The following CDC14A variants were observed in gnomAD, a reference collection of about 807,000 sequenced individuals.
The protein encoded by CDC14A is cell division cycle 14A.
In CDC14A, 53 loss-of-function variants were observed where a neutral mutation model predicts 74.4. That is an observed-to-expected ratio of 0.71 (90% CI 0.57 to 0.89). The LOEUF (loss-of-function observed/expected upper bound fraction) is 0.89. Among genes scored for constraint, CDC14A ranks in the 40% least tolerant of loss-of-function variants. CDC14A has a pLI of 0.00. For synonymous variants in CDC14A, 247 were observed against 258.4 expected, an observed-to-expected ratio of 0.96 and a Z score of 0.43; for missense variants, 646 against 713.7, an observed-to-expected ratio of 0.91 and a Z score of 1.08.
At position 100,518,382 on chromosome 1, in the gene CDC14A, C is replaced by A. The variant is rs1214754839; in HGVS notation, c.*102C>A. ...GCAACTTCTTGCTGGAAGAATATCTCTGCCTTCTTACCTTAAATTAAAAAG... is the reference window on the plus strand; with the variant it reads ...GCAACTTCTTGCTGGAAGAATATCTATGCCTTCTTACCTTAAATTAAAAAG... On this transcript the variant is annotated 3_prime_UTR_variant, in exon 16 of 16. Transcript: ENST00000336454. 3 of 903,890 alleles carry A rather than the reference C, an allele frequency of 3.3e-6. No homozygotes were observed. The highest frequency in any genetic ancestry group is 3.7e-6 in the Non-Finnish European group (2 of 545,524). The allele number at this position is 903,890 out of a possible 1,614,324, so 56.0% of individuals were successfully genotyped here.
Position 100,420,541 on chromosome 1 carries a change from G to A in CDC14A, c.310-3681G>A, listed in dbSNP as rs181508150. Among the ~76,000 whole-genome samples the A allele has an allele frequency of 1.7e-4, 26 of 152,032 alleles. No individual in the cohort carries two copies. The East Asian group carries it at 3.1e-3, about 18-fold the overall frequency. The stretch of plus-strand genomic sequence containing the variant: ...TGATATTTGTTACATTGTTTCTCAC[G>A]GTGTAGTAAACACAAATATTTAAAA... On this transcript the variant is annotated intron_variant, in intron 4 of 15. Transcript: ENST00000336454.
intron 10 of CDC14A, among the ~76,000 whole-genome samples, chr1:100,471,812 C>T (rs552966731): frequency 6.6e-6 from 1 of 152,206 alleles, no homozygotes; most frequent in South Asian, 2.1e-4. Context: ...AACCTTGGCT[C>T]CTATCTCACA....
intron 5 of CDC14A, among the ~76,000 whole-genome samples, chr1:100,435,327 G>C (rs2101111102): frequency 6.6e-6 from 1 of 152,318 alleles, no homozygotes; most frequent in Non-Finnish European, 1.5e-5. Flanking sequence ...GATGATGCAT[G>C]CACAATGTTC....
At chr1:100,381,520 A>G (rs1656094570) in intron 3 of CDC14A, among the ~76,000 whole-genome samples, 1 of 151,932 alleles carries the variant, frequency 6.6e-6, no homozygotes, top group Admixed American at 6.6e-5. Flanking sequence ...TTTCTTCCTC[A>G]TTCTGTGCTT....
chr1:100,399,994 G>A (rs981421911), intron 4 of CDC14A, among the ~76,000 whole-genome samples: 1 of 152,134 alleles, frequency 6.6e-6, no homozygotes, highest in South Asian at 2.1e-4. Context: ...TTACTCATTA[G>A]AATGTCAGAA....
chr1:100,359,927 CT>C (rs1402067856), intron 2 of CDC14A, among the ~76,000 whole-genome samples: 1 of 148,488 alleles, frequency 6.7e-6, no homozygotes, highest in African/African-American at 2.5e-5. Context: ...TTCAGGGCTG[CT>C]TTTTTTCACC....
chr1:100,456,427 A>AAC, intron 8 of CDC14A, among the ~76,000 whole-genome samples: 1 of 127,716 alleles, frequency 7.8e-6, no homozygotes, highest in African/African-American at 4.3e-5. Context: ...TGAACAAAAT[A>AAC]TCCCCCCCCC....
intron 4 of CDC14A, among the ~76,000 whole-genome samples, chr1:100,420,063 C>CACACACACACACATAT: frequency 1.5e-4 from 9 of 61,564 alleles, no homozygotes; most frequent in African/African-American, 3.2e-4. Context: ...CACACACACA[C>CACACACACACACATAT]ATATATATAT....
intron 5 of CDC14A, among the ~76,000 whole-genome samples, chr1:100,426,662 A>C (rs112024938): frequency 6.6e-6 from 1 of 152,188 alleles, no homozygotes; most frequent in Non-Finnish European, 1.5e-5. Context: ...CTTGATCCTC[A>C]TCTGTCTAGT....
intron 2 of CDC14A, among the ~76,000 whole-genome samples, chr1:100,359,341 G>C (rs1349982793): frequency 1.3e-5 from 2 of 152,206 alleles, no homozygotes; most frequent in Non-Finnish European, 2.9e-5. Context: ...TAAGGTCACT[G>C]AGCTGGTAAG....
chr1:100,362,838 T>C (rs1652946091), intron 2 of CDC14A, among the ~76,000 whole-genome samples: 1 of 152,202 alleles, frequency 6.6e-6, no homozygotes, highest in Non-Finnish European at 1.5e-5. Context: ...CCCGGGGTTC[T>C]TCATCTCATC....
intron 4 of CDC14A, among the ~76,000 whole-genome samples, chr1:100,398,055 T>A (rs538592434): frequency 6.6e-6 from 1 of 152,348 alleles, no homozygotes; most frequent in South Asian, 2.1e-4. Flanking sequence ...TTGTTAGTTG[T>A]ATGCCCTGAG....
At position 100,376,192 on chromosome 1, in the gene CDC14A, A is replaced by G. The variant is rs192997260; in HGVS notation, c.141-1354A>G. On this transcript the variant is annotated intron_variant, in intron 2 of 15. Transcript: ENST00000336454. ...GGGGAGGGATAGCATTGGGAGCTAT[A>G]CCTAATGTAAATGCTGAGTTAATAG... 2.0e-5 allele frequency among the ~76,000 whole-genome samples: 3 copies of G among 152,274 alleles called. No individual in the cohort carries two copies. The East Asian group carries it at 5.8e-4, about 29-fold the overall frequency.
intron 2 of CDC14A, among the ~76,000 whole-genome samples, chr1:100,368,441 G>A (rs1233760452): frequency 1.3e-5 from 2 of 152,166 alleles, no homozygotes; most frequent in African/African-American, 4.8e-5. Context: ...TGGTGAAATA[G>A]GTTCATATGT....
intron 4 of CDC14A, among the ~76,000 whole-genome samples, chr1:100,405,575 C>G (rs80175205): frequency 6.6e-6 from 1 of 152,056 alleles, no homozygotes; most frequent in East Asian, 1.9e-4. Context: ...CTTCACTATG[C>G]GTTCATGTGT....
In CDC14A at chr1:100,508,251, G is replaced by C. The variant is rs903614304; in HGVS notation, c.1755+8989G>C. Among the ~76,000 whole-genome samples the C allele has an allele frequency of 7.9e-5, 12 of 151,458 alleles. No individual in the cohort carries two copies. The highest frequency in any genetic ancestry group is 2.9e-4 in the African/African-American group (12 of 41,280). The stretch of plus-strand genomic sequence containing the variant: ...TTATAATTTGGGCCCGCCTGTTTTT[G>C]TTTTATGGCTTCTTATTCTTTTTAT... On this transcript the variant is annotated intron_variant, in intron 15 of 15. Coordinates refer to ENST00000336454, the MANE Select transcript of CDC14A (RefSeq NM_003672.4). The surrounding 1 kb of genome is among the most constrained non-coding windows in gnomAD (Gnocchi z 4.4).
rs143531253 is a variant in CDC14A at position 100,449,123 on chromosome 1, C to T, written c.519+6127C>T. On this transcript the variant is annotated intron_variant, in intron 7 of 15. Transcript: ENST00000336454. Reference sequence around the variant, plus strand: ...TTGCTATCTTCACCTAAAGGGTGCTCTTTTGGGGAAAGACCATTTCTATTC... The same window carrying T: ...TTGCTATCTTCACCTAAAGGGTGCTTTTTTGGGGAAAGACCATTTCTATTC... Among the ~76,000 whole-genome samples the T allele has an allele frequency of 5.8e-3, 891 of 152,310 alleles. 16 individuals are homozygous for T. The highest frequency in any genetic ancestry group is 0.021 in the African/African-American group (864 of 41,566).
At chr1:100,496,444 C>A (rs1321001289) in intron 13 of CDC14A, among the ~76,000 whole-genome samples, 2 of 152,124 alleles carry the variant, frequency 1.3e-5, no homozygotes, top group African/African-American at 2.4e-5. Context: ...TGTTCCCCTC[C>A]TTTATTTTCT....
At chr1:100,443,467 C>T (rs1443128997) in intron 7 of CDC14A, among the ~76,000 whole-genome samples, 1 of 151,724 alleles carries the variant, frequency 6.6e-6, no homozygotes, top group East Asian at 1.9e-4. Context: ...TCCCAAGCAG[C>T]TGGAATTACA....
Sources: gnomAD v4.1 joint callset for allele counts (sites outside exome capture counted in the v4.1 genomes callset) on GRCh38, gnomAD v4.1.1 for gene constraint, Gnocchi (gnomAD v3.1) non-coding constraint, MANE v1.5 for transcripts, NCBI Gene and HGNC (gene_info 2026-07-23, HGNC 2026-07-21) for gene names.